Variants in NDST4 observed in about 807,000 individuals in gnomAD.
NDST4 encodes N-deacetylase and N-sulfotransferase 4, also known as N-heparan sulfate sulfotransferase 4.
In NDST4, 63 loss-of-function variants were observed where a neutral mutation model predicts 100.8. That is an observed-to-expected ratio of 0.62 (90% CI 0.51 to 0.77). The LOEUF is 0.77. NDST4 is among the 30% of genes least tolerant of loss of function. The probability of loss-of-function intolerance (pLI) is 0.00; values close to 1 mark genes in which losing one functional copy is unlikely to be tolerated. For synonymous variants in NDST4, 377 were observed against 361.8 expected, an observed-to-expected ratio of 1.04 and a Z score of -0.48; for missense variants, 943 against 1,018.4, an observed-to-expected ratio of 0.93 and a Z score of 1.01.
intron 4 of NDST4, among the ~76,000 whole-genome samples, chr4:114,940,138 A>G (rs541159767): frequency 6.6e-6 from 1 of 152,338 alleles, no homozygotes; most frequent in South Asian, 2.1e-4. Flanking sequence ...GAAAACAAAT[A>G]AATTCAAATA....
rs1425310156 is a variant in NDST4 at position 115,040,295 on chromosome 4, ATTC to A, written c.978+35761_978+35763del. 5.3e-5 allele frequency among the ~76,000 whole-genome samples: 8 copies of A among 149,822 alleles called. No homozygotes were observed. The East Asian group carries it at 7.8e-4, about 15-fold the overall frequency. ...AGGTATAATAACACAGTAAGGTACT[ATTC>A]CAAGGGCCTTATAAGCAAAGCAATT... On this transcript the variant is annotated intron_variant, in intron 2 of 13. Transcript: ENST00000264363.
At chr4:114,880,862 C>T (rs1278873152) in intron 6 of NDST4, among the ~76,000 whole-genome samples, 1 of 152,028 alleles carries the variant, frequency 6.6e-6, no homozygotes, top group African/African-American at 2.4e-5. Context: ...GAAAGAGAAA[C>T]ATGGGAACTA....
At chr4:115,101,175 T>G (rs1729721845) in intron 1 of NDST4, among the ~76,000 whole-genome samples, 1 of 152,096 alleles carries the variant, frequency 6.6e-6, no homozygotes, top group African/African-American at 2.4e-5. Flanking sequence ...GGAAGTTTAT[T>G]CTGTGACATA....
chr4:115,008,522 T>C lies in NDST4; in HGVS notation c.979-31248A>G, dbSNP rs1727469431. Among the ~76,000 whole-genome samples the C allele has an allele frequency of 1.6e-5, 2 of 128,212 alleles. 1 individual carries two copies. The highest frequency in any genetic ancestry group is 3.3e-5 in the Non-Finnish European group (2 of 60,182). 84.1% of individuals were successfully genotyped at this position (128,212 alleles called of 152,430 possible). A position where few individuals can be genotyped will look rare whatever the true frequency, so the allele number is the denominator to read the frequency against. On this transcript the variant is annotated intron_variant, in intron 2 of 13. Coordinates refer to ENST00000264363, the MANE Select transcript of NDST4 (RefSeq NM_022569.3). ...TTAAAACTCTCAATAAATTAGGTATTGATGGGACATATCTCAAAATAATAA... is the reference window on the plus strand; with the variant it reads ...TTAAAACTCTCAATAAATTAGGTATCGATGGGACATATCTCAAAATAATAA...
intron 2 of NDST4, among the ~76,000 whole-genome samples, chr4:114,980,623 C>T (rs546858103): frequency 2.0e-5 from 3 of 151,820 alleles, no homozygotes; most frequent in Non-Finnish European, 4.4e-5. Flanking sequence ...GCCTGGGCGA[C>T]AAGAGTGAAA....
At chr4:114,924,062 A>G (rs949699042) in intron 6 of NDST4, among the ~76,000 whole-genome samples, 2 of 152,124 alleles carry the variant, frequency 1.3e-5, no homozygotes, top group East Asian at 3.8e-4. Flanking sequence ...ACAATAATAT[A>G]AATCTCTCTC....
chr4:115,105,770 C>T (rs2110345445), intron 1 of NDST4, among the ~76,000 whole-genome samples: 1 of 152,236 alleles, frequency 6.6e-6, no homozygotes, highest in Admixed American at 6.5e-5. Context: ...CCTGACATTG[C>T]ATAGAAACAA....
At chr4:115,038,900 A>G (rs1036638469) in intron 2 of NDST4, among the ~76,000 whole-genome samples, 2 of 152,078 alleles carry the variant, frequency 1.3e-5, no homozygotes, top group African/African-American at 4.8e-5. Flanking sequence ...GGCTCACTTG[A>G]GCCTGGGAGG....
intron 2 of NDST4, among the ~76,000 whole-genome samples, chr4:114,979,395 G>T (rs772416203): frequency 7.6e-5 from 11 of 145,216 alleles, no homozygotes; most frequent in Non-Finnish European, 1.2e-4. Flanking sequence ...CATGTTACTG[G>T]TTTTTTTTTG....
At position 114,947,562 on chromosome 4, in the gene NDST4, A is replaced by C. The variant is rs35088938; in HGVS notation, c.1222-10059T>G. 7.5e-3 allele frequency among the ~76,000 whole-genome samples: 1,135 copies of C among 152,244 alleles called. 12 individuals carry two copies. Among genetic ancestry groups the C allele is most frequent in the Non-Finnish European group, 7.1e-3 (483 of 67,994 alleles). The stretch of plus-strand genomic sequence containing the variant: ...CTACTAGTGCCTTTAACCTGGACTA[A>C]ATGATAACATTCAAAATTCTTCAAC... On this transcript the variant is annotated intron_variant, in intron 4 of 13. Coordinates refer to ENST00000264363, the MANE Select transcript of NDST4 (RefSeq NM_022569.3).
intron 2 of NDST4, among the ~76,000 whole-genome samples, chr4:115,050,030 G>C (rs1162779573): frequency 6.6e-6 from 1 of 152,028 alleles, no homozygotes; most frequent in African/African-American, 2.4e-5. Context: ...ATTATCATGA[G>C]TCCTTGCCTT....
chr4:114,917,636 GA>G (rs926197909), intron 6 of NDST4, among the ~76,000 whole-genome samples: 12 of 151,906 alleles, frequency 7.9e-5, no homozygotes, highest in African/African-American at 2.7e-4. Flanking sequence ...ATATAACTTA[GA>G]AAAAAATAGA....
intron 7 of NDST4, among the ~76,000 whole-genome samples, chr4:114,859,276 C>G (rs776662960): frequency 5.3e-5 from 8 of 152,060 alleles, no homozygotes; most frequent in Non-Finnish European, 1.0e-4. Flanking sequence ...TCTAGGCCAG[C>G]AAAAATGCTA....
chr4:115,093,233 T>C (rs1729553278), intron 1 of NDST4, among the ~76,000 whole-genome samples: 1 of 152,154 alleles, frequency 6.6e-6, no homozygotes, highest in Non-Finnish European at 1.5e-5. Flanking sequence ...CTCAGCATTT[T>C]GGGAGGCCAA....
chr4:114,833,740 T>C (rs745519205), intron 11 of NDST4, 25 bp from the exon 12 acceptor site: 2 of 1,495,744 alleles, frequency 1.3e-6, no homozygotes, highest in Non-Finnish European at 1.8e-6. Flanking sequence ...ATAGTCACTT[T>C]ATGAAGAAAA....
intron 2 of NDST4, among the ~76,000 whole-genome samples, chr4:115,026,826 T>C (rs1727996639): frequency 6.6e-6 from 1 of 152,080 alleles, no homozygotes; most frequent in African/African-American, 2.4e-5. Context: ...GGACTTTAGG[T>C]AGGATTTGTC....
intron 2 of NDST4, among the ~76,000 whole-genome samples, chr4:115,026,130 T>C (rs1298418103): frequency 1.3e-5 from 2 of 152,136 alleles, no homozygotes; most frequent in African/African-American, 4.8e-5. Flanking sequence ...CAGTTTTCCA[T>C]TTGATTGCAT....
intron 2 of NDST4, among the ~76,000 whole-genome samples, chr4:115,024,259 C>T (rs1727929802): frequency 6.6e-6 from 1 of 152,084 alleles, no homozygotes; most frequent in African/African-American, 2.4e-5. Context: ...CTTGAAAACC[C>T]TAGAACTGTA....
chr4:115,026,962 C>A (rs2126267952), intron 2 of NDST4, among the ~76,000 whole-genome samples: 1 of 152,220 alleles, frequency 6.6e-6, no homozygotes, highest in Non-Finnish European at 1.5e-5. Context: ...CTTCTGTTCT[C>A]TCTGCTGACT....
Sources: gnomAD v4.1 joint callset for allele counts (sites outside exome capture counted in the v4.1 genomes callset) on GRCh38, gnomAD v4.1.1 for gene constraint, MANE v1.5 for transcripts, NCBI Gene and HGNC (gene_info 2026-07-23, HGNC 2026-07-21) for gene names.